Variants in NRXN3 observed in about 807,000 individuals in gnomAD.
NRXN3 encodes the protein neurexin III.
NRXN3 carries 32 observed loss-of-function variants against 137.6 expected under a neutral mutation model. That is an observed-to-expected ratio of 0.23 (90% CI 0.18 to 0.31). The LOEUF (loss-of-function observed/expected upper bound fraction) is 0.31, where lower values mean the gene tolerates loss of function less well. Among genes scored for constraint, NRXN3 ranks in the 10% least tolerant of loss-of-function variants. NRXN3 has a pLI of 1.00. For synonymous variants in NRXN3, 798 were observed against 784.5 expected (o/e 1.02, Z -0.29); for missense variants, 1,574 against 2,062.5 (o/e 0.76, Z 4.59).
chr14:78,625,448 A>T (rs17107950), intron 4 of NRXN3, among the ~76,000 whole-genome samples: 17,178 of 152,130 alleles, frequency 0.11, 1,577 homozygotes, highest in African/African-American at 0.24. Flanking sequence ...TTGGTTTTTT[A>T]ATTTAGCTTG....
intron 3 of NRXN3, 71 bp from the exon 4 acceptor site, chr14:78,297,760 C>A: frequency 8.5e-7 from 1 of 1,182,860 alleles, no homozygotes; most frequent in Non-Finnish European, 1.2e-6. Flanking sequence ...GGGATTTTAA[C>A]TTTGTCTTCT....
At chr14:79,274,415 C>T (rs2153431110) in intron 15 of NRXN3, among the ~76,000 whole-genome samples, 1 of 152,244 alleles carries the variant, frequency 6.6e-6, no homozygotes, top group South Asian at 2.1e-4. Context: ...ATTGTGATAA[C>T]ATATTATGAT....
Position 78,967,269 on chromosome 14 carries a change from C to A in NRXN3, c.2839C>A (p.Arg947Ser). 6.2e-7 allele frequency: 1 copy of A among 1,613,696 alleles called. No individual in the cohort carries two copies. Among genetic ancestry groups the A allele is most frequent in the South Asian group, 1.1e-5 (1 of 91,044 alleles). ...GPNVIKGNSDRPLNDNQWHNV... is the reference protein window; with the variant it reads ...GPNVIKGNSDSPLNDNQWHNV... The stretch of plus-strand genomic sequence containing the variant: ...CAATGTGATCAAAGGCAACAGTGAC[C>A]GCCCCCTGAATGACAACCAGTGGCA... Residue 947 changes from arginine to serine, a missense_variant, in exon 13 of 21, where the codon CGC (arginine) becomes AGC (serine). Physicochemically the swap from Arg to Ser is moderately radical, Grantham distance 110. Coordinates refer to ENST00000335750, the MANE Select transcript of NRXN3 (RefSeq NM_001330195.2).
At chr14:79,027,694 A>C (rs1301895680) in intron 15 of NRXN3, among the ~76,000 whole-genome samples, 1 of 152,134 alleles carries the variant, frequency 6.6e-6, no homozygotes, top group Non-Finnish European at 1.5e-5. Flanking sequence ...ATTGAACTTC[A>C]GCTCTGGAAA....
At chr14:78,696,962 G>A (rs566234155) in intron 6 of NRXN3, among the ~76,000 whole-genome samples, 32 of 152,188 alleles carry the variant, frequency 2.1e-4, no homozygotes, top group African/African-American at 7.7e-4. Flanking sequence ...GTTCTGCAAA[G>A]GCATGTCATG....
At chr14:78,558,685 C>T (rs966537974) in intron 4 of NRXN3, among the ~76,000 whole-genome samples, 13 of 152,064 alleles carry the variant, frequency 8.5e-5, no homozygotes, top group Non-Finnish European at 1.8e-4. Context: ...AAGTATAAAC[C>T]ATAATCCAAT....
chr14:79,648,918 T>C (rs1269886232), intron 16 of NRXN3, among the ~76,000 whole-genome samples: 2 of 152,170 alleles, frequency 1.3e-5, no homozygotes, highest in Non-Finnish European at 2.9e-5. Context: ...GCTAGTTTCC[T>C]AAGATGTTTG....
At chr14:79,711,093 T>C (rs2098802342) in intron 19 of NRXN3, among the ~76,000 whole-genome samples, 1 of 152,242 alleles carries the variant, frequency 6.6e-6, no homozygotes, top group Non-Finnish European at 1.5e-5. Flanking sequence ...AAACAATATA[T>C]GTTTTGACTA....
chr14:79,706,580 G>A (rs115450351), intron 19 of NRXN3, among the ~76,000 whole-genome samples: 112 of 152,142 alleles, frequency 7.4e-4, no homozygotes, highest in African/African-American at 2.5e-3. Flanking sequence ...GGCTCAGAGC[G>A]AGATCTGCTC....
At chr14:78,382,180 A>G (rs1426779924) in intron 4 of NRXN3, among the ~76,000 whole-genome samples, 1 of 152,248 alleles carries the variant, frequency 6.6e-6, no homozygotes, top group Non-Finnish European at 1.5e-5. Context: ...ACTGTCAGCC[A>G]ATCAGAACAT....
intron 16 of NRXN3, among the ~76,000 whole-genome samples, chr14:79,523,413 T>A (rs1308133210): frequency 6.6e-6 from 1 of 152,196 alleles, no homozygotes; most frequent in African/African-American, 2.4e-5. Flanking sequence ...GTTTTGAAGA[T>A]GTTAATTGAT....
At chr14:79,160,759 G>A (rs984565636) in intron 15 of NRXN3, among the ~76,000 whole-genome samples, 11 of 152,004 alleles carry the variant, frequency 7.2e-5, no homozygotes, top group Non-Finnish European at 1.0e-4. Context: ...GAGGCTTCAC[G>A]TGTTGTAGGC....
chr14:79,147,956 A>G (rs1214510410), intron 15 of NRXN3, among the ~76,000 whole-genome samples: 1 of 152,106 alleles, frequency 6.6e-6, no homozygotes, highest in African/African-American at 2.4e-5. Flanking sequence ...GTCTTTTTTA[A>G]AGCCCAGATT....
Position 79,106,148 on chromosome 14 carries a change from T to C in NRXN3, c.3262+118007T>C, listed in dbSNP as rs2052392054. Among the ~76,000 whole-genome samples the C allele has an allele frequency of 3.3e-5, 5 of 152,226 alleles. No individual in the cohort carries two copies. The South Asian group carries it at 1.0e-3, about 32-fold the overall frequency. ...TTTCTTCCCCTTCAGTATGGTAGCA[T>C]AGACTGTCTTTTCCATGTTCTTGAG... On this transcript the variant is annotated intron_variant, in intron 15 of 20. Transcript: ENST00000335750.
At chr14:78,365,140 G>T (rs1303344658) in intron 4 of NRXN3, among the ~76,000 whole-genome samples, 1 of 151,946 alleles carries the variant, frequency 6.6e-6, no homozygotes, top group Non-Finnish European at 1.5e-5. Context: ...TGTTGCAATA[G>T]ATCATGTACA....
chr14:78,293,848 A>G (rs2076042484), intron 3 of NRXN3, among the ~76,000 whole-genome samples: 1 of 150,646 alleles, frequency 6.6e-6, no homozygotes, highest in Non-Finnish European at 1.5e-5. Flanking sequence ...ATATGTATTC[A>G]TTCCTTTATT....
intron 15 of NRXN3, among the ~76,000 whole-genome samples, chr14:79,440,070 C>G (rs1324214390): frequency 2.0e-5 from 3 of 152,108 alleles, no homozygotes; most frequent in Non-Finnish European, 4.4e-5. Flanking sequence ...AAAAACAAAC[C>G]TTTCATAAAA....
At chr14:79,452,560 G>A (rs1480939251) in intron 15 of NRXN3, among the ~76,000 whole-genome samples, 1 of 152,074 alleles carries the variant, frequency 6.6e-6, no homozygotes, top group South Asian at 2.1e-4. Flanking sequence ...CTTATTCCAG[G>A]GCCTGATGAC....
At chr14:79,346,343 C>T (rs925623259) in intron 15 of NRXN3, among the ~76,000 whole-genome samples, 5 of 152,300 alleles carry the variant, frequency 3.3e-5, no homozygotes, top group South Asian at 4.1e-4. Flanking sequence ...ATCACCTGAA[C>T]GCGGGAGGTG....
Sources: gnomAD v4.1 joint callset for allele counts (sites outside exome capture counted in the v4.1 genomes callset) on GRCh38, gnomAD v4.1.1 for gene constraint, MANE v1.5 for transcripts, NCBI Gene and HGNC (gene_info 2026-07-23, HGNC 2026-07-21) for gene names.